Variants in COG6 observed in about 807,000 individuals in gnomAD.
COG6 encodes component of oligomeric golgi complex 6, also known as conserved oligomeric Golgi complex subunit 6.
A neutral mutation model predicts 88.8 loss-of-function variants in COG6; 74 were observed. The ratio of observed to expected loss-of-function variants is 0.83; its 90% CI spans 0.69 to 1.01. The LOEUF (loss-of-function observed/expected upper bound fraction) is 1.01, where lower values mean the gene tolerates loss of function less well. Among genes scored for constraint, COG6 ranks in the 50% least tolerant of loss-of-function variants. The pLI, the probability that COG6 is intolerant of heterozygous loss-of-function variation, is 0.00. For missense variants in COG6, 800 were observed against 797.9 expected (o/e 1.00, Z -0.03); for synonymous variants, 286 against 278.7 (o/e 1.03, Z -0.26).
intron 13 of COG6, among the ~76,000 whole-genome samples, chr13:39,701,596 A>G (rs1305364593): frequency 6.6e-6 from 1 of 151,938 alleles, no homozygotes; most frequent in Non-Finnish European, 1.5e-5. Context: ...AGCCAAGAGA[A>G]GACAGTTTCT....
rs1287594130 is a variant in COG6, at chr13:39,751,458, A to G, written c.*365A>G. ...CTTATAAAAAATTTGTCTAAATTTA[A>G]TAATTAGTATAAGGATATGACCTAA... is the stretch of plus-strand genomic sequence containing the variant. On this transcript the variant is annotated 3_prime_UTR_variant, in exon 19 of 19. Coordinates refer to ENST00000455146, the MANE Select transcript of COG6 (RefSeq NM_020751.3). 1.0e-5 allele frequency: 13 copies of G among 1,254,828 alleles called. No individual in the cohort carries two copies. The highest frequency in any genetic ancestry group is 2.3e-5 in the Admixed American group (1 of 42,646). 77.7% of individuals were successfully genotyped at this position (1,254,828 alleles called of 1,614,324 possible).
At chr13:39,756,513 A>T (rs1880839696), downstream of COG6, among the ~76,000 whole-genome samples, 1 of 152,232 alleles carries the variant, frequency 6.6e-6, no homozygotes, top group Non-Finnish European at 1.5e-5. Flanking sequence ...AACATTACAC[A>T]TCCAAGAAGT....
chr13:39,731,372 G>T (rs1566031764), intron 18 of COG6, among the ~76,000 whole-genome samples: 1 of 152,170 alleles, frequency 6.6e-6, no homozygotes, highest in African/African-American at 2.4e-5. Flanking sequence ...ATAGGGAAAA[G>T]AATAGAGAAA....
intron 18 of COG6, among the ~76,000 whole-genome samples, chr13:39,732,737 A>T (rs1879519625): frequency 6.6e-6 from 1 of 152,210 alleles, no homozygotes; most frequent in Non-Finnish European, 1.5e-5. Flanking sequence ...TGGAAAATAG[A>T]TGGAGTCTTA....
intron 4 of COG6, among the ~76,000 whole-genome samples, chr13:39,677,202 C>T (rs1876024506): frequency 6.6e-6 from 1 of 152,062 alleles, no homozygotes. Flanking sequence ...ATGCAGGGAC[C>T]ATGCATGGAC....
At chr13:39,703,398 C>G (rs1877694269) in intron 13 of COG6, among the ~76,000 whole-genome samples, 1 of 152,106 alleles carries the variant, frequency 6.6e-6, no homozygotes, top group South Asian at 2.1e-4. Context: ...ATTGCTTGTT[C>G]AAGTCCTTTG....
intron 5 of COG6, chr13:39,679,238 C>T (rs886587144): frequency 3.9e-5 from 14 of 355,374 alleles, no homozygotes; most frequent in African/African-American, 2.1e-4. Context: ...GCATTTCTCA[C>T]TAGACTACGT....
At chr13:39,677,724 T>G (rs1426226383) in intron 5 of COG6, 145 bp downstream of exon 5, 3 of 570,966 alleles carry the variant, frequency 5.3e-6, no homozygotes, top group Non-Finnish European at 9.2e-6. Context: ...ATGTGTATTT[T>G]AATTATATTT....
chr13:39,746,730 C>A (rs748753297), intron 18 of COG6, among the ~76,000 whole-genome samples: 1 of 152,064 alleles, frequency 6.6e-6, no homozygotes, highest in East Asian at 1.9e-4. Context: ...TAGACAGATA[C>A]TTAATATACT....
At chr13:39,748,746 A>T (rs1364861520) in intron 18 of COG6, among the ~76,000 whole-genome samples, 1 of 152,160 alleles carries the variant, frequency 6.6e-6, no homozygotes, top group Non-Finnish European at 1.5e-5. Flanking sequence ...CTGCTCAGAA[A>T]ATTTACTCAG....
intron 4 of COG6, among the ~76,000 whole-genome samples, chr13:39,673,124 T>G (rs949052685): frequency 2.6e-5 from 4 of 152,124 alleles, no homozygotes; most frequent in African/African-American, 9.6e-5. Flanking sequence ...TTATATGTTC[T>G]GGATATAGGT....
chr13:39,752,072 C>G lies in COG6; in HGVS notation c.*979C>G. 1 of 1,285,798 alleles carries G rather than the reference C, an allele frequency of 7.8e-7. No homozygotes were observed. Among genetic ancestry groups the G allele is most frequent in the Non-Finnish European group, 1.0e-6 (1 of 987,640 alleles). 79.6% of individuals were successfully genotyped at this position (1,285,798 alleles called of 1,614,324 possible). ...CTGGACTCTGACTTTAGACCATTACCTATTAGGAAGATTAAAAATGACTGT... is the reference window on the plus strand; with the variant it reads ...CTGGACTCTGACTTTAGACCATTACGTATTAGGAAGATTAAAAATGACTGT... On this transcript the variant is annotated 3_prime_UTR_variant, in exon 19 of 19. Transcript: ENST00000455146.
intron 18 of COG6, among the ~76,000 whole-genome samples, chr13:39,759,363 G>A (rs1880943975): frequency 6.6e-6 from 1 of 152,086 alleles, no homozygotes; most frequent in African/African-American, 2.4e-5. Context: ...CTTGAACCTG[G>A]TGATAGTACT....
At chr13:39,668,762 T>C (rs1875432038) in intron 4 of COG6, among the ~76,000 whole-genome samples, 1 of 145,258 alleles carries the variant, frequency 6.9e-6, no homozygotes, top group Non-Finnish European at 1.5e-5. Context: ...CACTCCAGCC[T>C]GGGCGACAGA....
At chr13:39,660,936 T>C (rs951603454) in intron 3 of COG6, 55 bp downstream of exon 3, 8 of 1,024,592 alleles carry the variant, frequency 7.8e-6, no homozygotes, top group East Asian at 4.8e-5. Flanking sequence ...TTACAAAAAT[T>C]ATTATTGACA....
rs765583665 is a variant in COG6, at chr13:39,674,499, A to G, written c.429-2969A>G. Among the ~76,000 whole-genome samples, 50 of 152,148 alleles carry G rather than the reference A, an allele frequency of 3.3e-4. 2 individuals carry two copies. The highest frequency in any genetic ancestry group is 8.8e-5 in the Non-Finnish European group (6 of 68,018). On this transcript the variant is annotated intron_variant, in intron 4 of 18. Transcript: ENST00000455146. ...CTGATTTGAAGGAATCATGAAAATT[A>G]AGTAGTCCGTTTATTTTAAATACTT...
At chr13:39,655,967 C>A (rs1406506933) in intron 1 of COG6, 88 bp downstream of exon 1, 2 of 1,483,566 alleles carry the variant, frequency 1.3e-6, no homozygotes, top group Non-Finnish European at 1.8e-6. Context: ...CCACCGCGGT[C>A]TCCCTCGTCC....
intron 10 of COG6, among the ~76,000 whole-genome samples, chr13:39,688,290 A>G (rs754259624): frequency 1.3e-5 from 2 of 152,088 alleles, no homozygotes; most frequent in Non-Finnish European, 2.9e-5. Flanking sequence ...ATCTGTTAGT[A>G]TGTTTCTGCA....
chr13:39,729,010 T>G (rs1879292935), intron 18 of COG6, among the ~76,000 whole-genome samples: 1 of 152,230 alleles, frequency 6.6e-6, no homozygotes, highest in African/African-American at 2.4e-5. Flanking sequence ...CCTGTAATTC[T>G]TTTTAACTTA....
Sources: allele counts gnomAD v4.1 joint callset (sites outside exome capture counted in the v4.1 genomes callset), GRCh38; gene constraint gnomAD v4.1.1; transcripts MANE v1.5; gene names NCBI Gene and HGNC (gene_info 2026-07-23, HGNC 2026-07-21).